Variants in RBFOX1 observed in about 807,000 individuals in gnomAD.
RBFOX1 encodes RNA binding fox-1 homolog 1.
RBFOX1 carries 8 observed loss-of-function variants against 57.7 expected under a neutral mutation model. The ratio of observed to expected loss-of-function variants is 0.14; its 90% CI spans 0.08 to 0.25. The LOEUF is 0.25. RBFOX1 is among the 10% of genes least tolerant of loss of function. The pLI is 1.00. For missense variants in RBFOX1, 611 were observed against 548.5 expected (o/e 1.11, Z -1.14); for synonymous variants, 326 against 222.4 (o/e 1.47, Z -4.15).
At chr16:7,315,091 CT>C (rs1555699718) in intron 4 of RBFOX1, among the ~76,000 whole-genome samples, 2,979 of 26,956 alleles carry the variant, frequency 0.11, 34 homozygotes, top group East Asian at 0.43. Context: ...GAGAAAAGCT[CT>C]TTTTTTTTTT....
At chr16:7,084,019 C>G (rs1484899179) in intron 4 of RBFOX1, among the ~76,000 whole-genome samples, 1 of 152,122 alleles carries the variant, frequency 6.6e-6, no homozygotes, top group Non-Finnish European at 1.5e-5. Flanking sequence ...AAGGCCCTAA[C>G]ACTCTCCTGA....
At chr16:6,794,504 C>G (rs1029781493) in intron 3 of RBFOX1, among the ~76,000 whole-genome samples, 2 of 151,984 alleles carry the variant, frequency 1.3e-5, no homozygotes, top group Admixed American at 1.3e-4. Context: ...TTCATAATGA[C>G]TACATATGGT....
chr16:6,968,904 A>G (rs976134052), intron 3 of RBFOX1, among the ~76,000 whole-genome samples: 1 of 151,762 alleles, frequency 6.6e-6, no homozygotes, highest in Non-Finnish European at 1.5e-5. Context: ...CAGGATTCAC[A>G]TAATAAGCTC....
intron 2 of RBFOX1, among the ~76,000 whole-genome samples, chr16:5,531,266 G>A (rs944728276): frequency 3.3e-5 from 5 of 152,172 alleles, no homozygotes; most frequent in Non-Finnish European, 5.9e-5. Context: ...AAAGGGATGG[G>A]GTGGGAAGGA....
chr16:6,348,908 G>T (rs1450428280), intron 2 of RBFOX1, among the ~76,000 whole-genome samples: 1 of 152,144 alleles, frequency 6.6e-6, no homozygotes, highest in East Asian at 1.9e-4. Flanking sequence ...GCAGATTTCA[G>T]GTGTACTATG....
chr16:5,972,959 G>A (rs887514443), intron 4 of RBFOX1, among the ~76,000 whole-genome samples: 1 of 152,300 alleles, frequency 6.6e-6, no homozygotes, highest in East Asian at 1.9e-4. Flanking sequence ...CATCATTTCT[G>A]TTGAGTCCCG....
At chr16:6,543,353 C>T (rs987598670) in intron 2 of RBFOX1, among the ~76,000 whole-genome samples, 5 of 152,084 alleles carry the variant, frequency 3.3e-5, no homozygotes, top group African/African-American at 1.2e-4. Flanking sequence ...GGCAGATTTC[C>T]ACTGAGTCTC....
At chr16:6,523,156 G>A (rs1246909373) in intron 2 of RBFOX1, among the ~76,000 whole-genome samples, 1 of 152,114 alleles carries the variant, frequency 6.6e-6, no homozygotes, top group East Asian at 1.9e-4. Context: ...GTAGCATGGG[G>A]TGACTGTCTT....
At position 5,935,387 on chromosome 16, in the gene RBFOX1, T is replaced by G. The variant is rs187658132; in HGVS notation, c.351+68052T>G. ...AAGGAGGACCATGGCCAGGAGCCTG[T>G]ATTGTGGTTTCTGTGTAAGGATCAG... On this transcript the variant is annotated intron_variant, in intron 4 of 19. Transcript: ENST00000641259. Among the ~76,000 whole-genome samples the G allele has an allele frequency of 2.0e-5, 3 of 152,150 alleles. No homozygotes were observed. In the East Asian group the frequency reaches 5.8e-4, roughly 29 times the overall value.
intron 3 of RBFOX1, among the ~76,000 whole-genome samples, chr16:6,664,044 C>T (rs181116766): frequency 6.6e-6 from 1 of 152,188 alleles, no homozygotes; most frequent in African/African-American, 2.4e-5. Context: ...TGTGATATCA[C>T]CATGAGAAAT....
intron 3 of RBFOX1, among the ~76,000 whole-genome samples, chr16:5,692,165 C>CTTTGTG (rs1390205902): frequency 0.019 from 436 of 22,928 alleles, 8 homozygotes; most frequent in African/African-American, 0.022. Flanking sequence ...TAGGGACTGA[C>CTTTGTG]TGTGTGTGTG....
Position 6,452,558 on chromosome 16 carries a change from A to G in RBFOX1, c.-64+135501A>G, listed in dbSNP as rs529095780. Among the ~76,000 whole-genome samples the G allele has an allele frequency of 1.8e-4, 27 of 152,334 alleles. No homozygotes were observed. The South Asian group carries it at 2.9e-3, about 16-fold the overall frequency. On this transcript the variant is annotated intron_variant, in intron 2 of 15. Transcript: ENST00000550418. ...AGAAGCATCTACCAGGGATGTACCT[A>G]GAGATCGTCAAGTGATACCTGAACA...
chr16:7,239,723 T>TC (rs2093959603), intron 4 of RBFOX1, among the ~76,000 whole-genome samples: 1 of 152,164 alleles, frequency 6.6e-6, no homozygotes, highest in East Asian at 1.9e-4. Flanking sequence ...GTTAGCTGGT[T>TC]AGAATTTGCT....
chr16:6,200,516 CTG>C (rs1211518248), intron 1 of RBFOX1, among the ~76,000 whole-genome samples: 3 of 152,122 alleles, frequency 2.0e-5, no homozygotes, highest in Non-Finnish European at 4.4e-5. Context: ...AATCACCACT[CTG>C]TGTAAAATCA....
chr16:5,866,830 A>C (rs2057354625), intron 3 of RBFOX1, among the ~76,000 whole-genome samples: 1 of 152,290 alleles, frequency 6.6e-6, no homozygotes, highest in South Asian at 2.1e-4. Context: ...ACTCTATTTC[A>C]CAATATTTTG....
chr16:6,118,791 C>CCT (rs1369165445), intron 1 of RBFOX1, among the ~76,000 whole-genome samples: 1 of 146,440 alleles, frequency 6.8e-6, no homozygotes, highest in African/African-American at 2.7e-5. Flanking sequence ...CTCTCTTTCT[C>CCT]TCTCTCCTTC....
At chr16:6,714,145 A>C (rs2064289057) in intron 3 of RBFOX1, among the ~76,000 whole-genome samples, 1 of 152,106 alleles carries the variant, frequency 6.6e-6, no homozygotes, top group Non-Finnish European at 1.5e-5. Context: ...CTGCACTCTC[A>C]CGCTCTCTCT....
At chr16:6,024,190 G>C (rs1448173937) in intron 1 of RBFOX1, among the ~76,000 whole-genome samples, 1 of 152,186 alleles carries the variant, frequency 6.6e-6, no homozygotes, top group African/African-American at 2.4e-5. Context: ...AGGGGAAGGA[G>C]TGGCTAATGC....
chr16:7,134,701 G>C (rs143443592), intron 4 of RBFOX1, among the ~76,000 whole-genome samples: 51 of 152,278 alleles, frequency 3.3e-4, no homozygotes, highest in Admixed American at 1.2e-3. Flanking sequence ...AATCCTGACT[G>C]TGAAAACTAC....
Sources: gnomAD v4.1 joint callset for allele counts (sites outside exome capture counted in the v4.1 genomes callset) on GRCh38, gnomAD v4.1.1 for gene constraint, MANE v1.5 for transcripts, NCBI Gene and HGNC (gene_info 2026-07-23, HGNC 2026-07-21) for gene names.